Variants in MYT1L observed in about 807,000 individuals in gnomAD.
MYT1L encodes myelin transcription factor 1-like protein.
Under a neutral mutation model 126.7 loss-of-function variants are expected in MYT1L, and 12 were observed. The ratio of observed to expected loss-of-function variants is 0.09; its 90% CI spans 0.06 to 0.15. The LOEUF (loss-of-function observed/expected upper bound fraction) is 0.15, where lower values mean the gene tolerates loss of function less well. Ranked by LOEUF, MYT1L falls within the 10% of genes least tolerant of loss-of-function variation. MYT1L has a pLI of 1.00. For missense variants in MYT1L, 979 were observed against 1,585.2 expected (o/e 0.62, Z 6.49); for synonymous variants, 541 against 604.2 (o/e 0.90, Z 1.53).
chr2:1,919,694 A>G (rs1165792654), intron 10 of MYT1L, among the ~76,000 whole-genome samples: 8 of 152,168 alleles, frequency 5.3e-5, no homozygotes, highest in Admixed American at 1.3e-4. Flanking sequence ...TTGGTGAGAT[A>G]GTACCACAAT....
chr2:1,871,666 T>C (rs1398151696), intron 18 of MYT1L, among the ~76,000 whole-genome samples: 1 of 152,072 alleles, frequency 6.6e-6, no homozygotes, highest in Non-Finnish European at 1.5e-5. Context: ...GCCCAGCTGC[T>C]CCCCAGGCTC....
At position 1,912,166 on chromosome 2, in the gene MYT1L, G is replaced by T; in HGVS notation, c.1619-56C>A. 7.7e-7 allele frequency: 1 copy of T among 1,294,028 alleles called. No homozygotes were observed. The highest frequency in any genetic ancestry group is 1.1e-6 in the Non-Finnish European group (1 of 933,988). 80.2% of individuals were successfully genotyped at this position (1,294,028 alleles called of 1,614,324 possible). A position where few individuals can be genotyped will look rare whatever the true frequency, so the allele number is the denominator to read the frequency against. ...GTGTTAAAACAGAGGCACGGTTAGG[G>T]CACATGAAAATGCAGTCATTTAACA... On this transcript the variant is annotated intron_variant, in intron 11 of 24. Transcript: ENST00000647738. This position sits in a 1 kb window ranked among gnomAD's most constrained non-coding sequence, Gnocchi z 4.3.
At position 1,887,582 on chromosome 2, in the gene MYT1L, C is replaced by G; in HGVS notation, c.2548G>C (p.Ala850Pro). The G allele has an allele frequency of 6.2e-7, 1 of 1,613,988 alleles. No homozygotes were observed. Among genetic ancestry groups the G allele is most frequent in the Non-Finnish European group, 8.5e-7 (1 of 1,179,890 alleles). Residue 850 changes from alanine (A) to proline (P), a missense_variant, in exon 17 of 25, where the codon GCT becomes CCT. Ala to Pro is a conservative substitution (Grantham distance 27). Coordinates refer to ENST00000647738, the MANE Select transcript of MYT1L (RefSeq NM_001303052.2). The surrounding 1 kb of genome is among the most constrained non-coding windows in gnomAD (Gnocchi z 4.8). ...CCGGGATACCGTCTTTCTTCTAGAG[C>G]CTCCTGGAATGGGTCCAAGTCTTCT... is the stretch of plus-strand genomic sequence containing the variant. ...TPEDLDPFQE[A>P]LEERRYPGEV...
chr2:1,972,709 AATTATT>A (rs2059900406), intron 8 of MYT1L, among the ~76,000 whole-genome samples: 1 of 152,214 alleles, frequency 6.6e-6, no homozygotes, highest in African/African-American at 2.4e-5. Context: ...GAAGACAGGC[AATTATT>A]CACCACGCTG....
At chr2:2,074,482 C>T (rs1309703714) in intron 3 of MYT1L, among the ~76,000 whole-genome samples, 2 of 151,896 alleles carry the variant, frequency 1.3e-5, no homozygotes, top group Non-Finnish European at 2.9e-5. Flanking sequence ...TAGATAATTC[C>T]AGAGAAAAAG....
chr2:2,023,534 C>T (rs567356963), intron 4 of MYT1L, among the ~76,000 whole-genome samples: 3 of 152,052 alleles, frequency 2.0e-5, no homozygotes, highest in African/African-American at 4.8e-5. Flanking sequence ...TGGGTGTGGA[C>T]GGGAAGCTCC....
chr2:1,998,783 T>C (rs1020597506), intron 4 of MYT1L, among the ~76,000 whole-genome samples: 1 of 152,078 alleles, frequency 6.6e-6, no homozygotes, highest in Non-Finnish European at 1.5e-5. Flanking sequence ...CTCTGAACTA[T>C]CTTACAGAAT....
chr2:2,120,616 G>C (rs967931630), intron 3 of MYT1L, among the ~76,000 whole-genome samples: 3 of 151,980 alleles, frequency 2.0e-5, no homozygotes, highest in Admixed American at 2.0e-4. Context: ...AAGCTAAGGG[G>C]AGTCATGCTC....
At chr2:2,152,259 C>T (rs2085930333) in intron 3 of MYT1L, among the ~76,000 whole-genome samples, 1 of 152,226 alleles carries the variant, frequency 6.6e-6, no homozygotes, top group South Asian at 2.1e-4. Flanking sequence ...CGTGCACACG[C>T]TGGGCAAGGG....
At chr2:2,147,255 G>C (rs921008969) in intron 3 of MYT1L, among the ~76,000 whole-genome samples, 1 of 152,214 alleles carries the variant, frequency 6.6e-6, no homozygotes, top group Non-Finnish European at 1.5e-5. Context: ...CTGGATGCTT[G>C]CAAGTCTGTG....
chr2:2,073,749 A>G (rs555076763), intron 3 of MYT1L, among the ~76,000 whole-genome samples: 2 of 152,202 alleles, frequency 1.3e-5, no homozygotes, highest in South Asian at 4.2e-4. Flanking sequence ...CTTCATGTCC[A>G]CGTTTGACTT....
rs2051859716 is a variant in MYT1L at position 1,910,806 on chromosome 2, C to T, written c.1710-459G>A. Among the ~76,000 whole-genome samples, 1 of 152,136 alleles carries T rather than the reference C, an allele frequency of 6.6e-6. No individual in the cohort carries two copies. The highest frequency in any genetic ancestry group is 2.1e-4 in the South Asian group (1 of 4,828). ...CTATTGACTGTGGCGTCTGGGGGGC[C>T]TGTCTGACTTTAGCCCTTTGGTGTT... On this transcript the variant is annotated intron_variant, in intron 12 of 24. Transcript: ENST00000647738. The surrounding 1 kb of genome is among the most constrained non-coding windows in gnomAD (Gnocchi z 4.8).
intron 1 of MYT1L, chr2:2,325,812 A>G (rs2096239791): frequency 6.6e-6 from 1 of 152,262 alleles, no homozygotes; most frequent in Non-Finnish European, 1.5e-5. Flanking sequence ...ACTGAAGGAG[A>G]AGCTCTTTTG....
At chr2:2,102,581 C>T (rs2078225778) in intron 3 of MYT1L, among the ~76,000 whole-genome samples, 1 of 150,794 alleles carries the variant, frequency 6.6e-6, no homozygotes, top group Admixed American at 6.6e-5. Flanking sequence ...TTACACTCTC[C>T]ATTTTGGCAA....
intron 4 of MYT1L, among the ~76,000 whole-genome samples, chr2:2,041,607 C>G (rs780136596): frequency 6.6e-6 from 1 of 152,188 alleles, no homozygotes; most frequent in Non-Finnish European, 1.5e-5. Context: ...GGAGGTATCT[C>G]CCTCCCTGCA....
At chr2:1,996,384 G>T (rs928640483) in intron 5 of MYT1L, among the ~76,000 whole-genome samples, 1 of 151,772 alleles carries the variant, frequency 6.6e-6, no homozygotes, top group African/African-American at 2.4e-5. Flanking sequence ...CCTAGTGAGT[G>T]AGGGCCGTCT....
At chr2:1,800,520 G>A (rs146840853) in intron 23 of MYT1L, among the ~76,000 whole-genome samples, 323 of 152,198 alleles carry the variant, frequency 2.1e-3, no homozygotes, top group African/African-American at 7.3e-3. Context: ...TGGTACTCAC[G>A]GGGGGCCTGG....
At chr2:1,864,761 C>G (rs184225726) in intron 18 of MYT1L, among the ~76,000 whole-genome samples, 1 of 152,182 alleles carries the variant, frequency 6.6e-6, no homozygotes, top group African/African-American at 2.4e-5. Context: ...GTTCTTGGCC[C>G]CTGCTTGAAG....
chr2:2,032,935 G>A (rs1191214787), intron 4 of MYT1L, among the ~76,000 whole-genome samples: 2 of 135,480 alleles, frequency 1.5e-5, no homozygotes, highest in Admixed American at 7.6e-5. Flanking sequence ...CACACCCCTC[G>A]CCAGTGCCTC....
Sources: allele counts gnomAD v4.1 joint callset (sites outside exome capture counted in the v4.1 genomes callset), GRCh38; gene constraint gnomAD v4.1.1; non-coding constraint Gnocchi (gnomAD v3.1); transcripts MANE v1.5; gene names NCBI Gene and HGNC (gene_info 2026-07-23, HGNC 2026-07-21).